CLSPN: variants seen among roughly 807,000 people sequenced by gnomAD.
The protein encoded by CLSPN is claspin homolog.
Under a neutral mutation model 156.3 loss-of-function variants are expected in CLSPN, and 85 were observed. The observed-to-expected ratio is 0.54, with a 90% CI of 0.46 to 0.65. CLSPN has a LOEUF of 0.65. CLSPN is among the 30% of genes least tolerant of loss of function. The pLI is 0.00. For synonymous variants in CLSPN, 534 were observed against 542.4 expected (o/e 0.98, Z 0.22); for missense variants, 1,407 against 1,554.9 (o/e 0.90, Z 1.60).
intron 24 of CLSPN, among the ~76,000 whole-genome samples, chr1:35,722,719 C>T (rs1641103297): frequency 6.6e-6 from 1 of 151,990 alleles, no homozygotes. Flanking sequence ...GCAACGTCCG[C>T]CTCCCAGGAT....
At chr1:35,755,201 T>C (rs1642230786) in intron 8 of CLSPN, among the ~76,000 whole-genome samples, 1 of 151,872 alleles carries the variant, frequency 6.6e-6, no homozygotes, top group African/African-American at 2.4e-5. Context: ...AGCTTAGAGG[T>C]GATCCTCTCA....
chr1:35,761,885 T>G (rs1642490549), intron 6 of CLSPN, 113 bp downstream of exon 6: 8 of 687,820 alleles, frequency 1.2e-5, no homozygotes, highest in South Asian at 1.1e-4. Context: ...AAACTTAATA[T>G]TATAACCTGA....
At chr1:35,726,008 A>G (rs2148606598) in intron 24 of CLSPN, among the ~76,000 whole-genome samples, 1 of 152,100 alleles carries the variant, frequency 6.6e-6, no homozygotes, top group East Asian at 1.9e-4. Context: ...CTCGTAAGGA[A>G]GTAGACTACA....
chr1:35,742,210 G>A (rs1172238719), intron 18 of CLSPN, among the ~76,000 whole-genome samples: 1 of 152,126 alleles, frequency 6.6e-6, no homozygotes, highest in Non-Finnish European at 1.5e-5. Context: ...GTTAAAAAGT[G>A]GCAAACTATT....
chr1:35,738,543 T>C lies in CLSPN; in HGVS notation c.3470A>G (p.Asp1157Gly). The C allele has an allele frequency of 6.2e-7, 1 of 1,613,976 alleles. No homozygotes were observed. The highest frequency in any genetic ancestry group is 1.1e-5 in the South Asian group (1 of 91,078). The change falls in exon 21 of 25, where the codon GAT (aspartate) becomes GGT (glycine). Residue 1157 changes from aspartate (D) to glycine (G), a missense_variant. Around this residue, in one of 3 missense-constraint regions of CLSPN, gnomAD observed 241 missense variants for 240.5 expected, o/e 1.00. Coordinates refer to ENST00000318121, the MANE Select transcript of CLSPN (RefSeq NM_022111.4). ...SQMDLFHRDS[D>G]DDQTEEQLDE... ...AAGCTGTTCTTCAGTCTGATCATCATCAGAGTCTCTGTGGAACAAGTCCAT... is the reference window on the plus strand; with the variant it reads ...AAGCTGTTCTTCAGTCTGATCATCACCAGAGTCTCTGTGGAACAAGTCCAT...
In CLSPN at chr1:35,753,859, C is replaced by A. The variant is rs368408539; in HGVS notation, c.1657G>T (p.Val553Leu). 2.5e-6 allele frequency: 4 copies of A among 1,614,200 alleles called. No individual in the cohort carries two copies. In the East Asian group the frequency reaches 6.7e-5, roughly 27 times the overall value. The change falls in exon 9 of 25, where the codon GTG (valine) becomes TTG (leucine). Residue 553 changes from valine (V) to leucine (L), a missense_variant. Around this residue, in one of 3 missense-constraint regions of CLSPN, gnomAD observed 1,096 missense variants for 1,193.0 expected, o/e 0.92. Transcript: ENST00000318121. ...AKPRAGQTVN[V>L]NVIVKDMGTD... ...CCCATGTCTTTCACTATGACGTTCA[C>A]ATTCACTGTCTGACCAGCCCTGGGT...
chr1:35,761,072 A>T (rs1324315204), intron 7 of CLSPN, 24 bp downstream of exon 7: 1 of 1,535,664 alleles, frequency 6.5e-7, no homozygotes, highest in Non-Finnish European at 9.0e-7. Context: ...CATGAAAATT[A>T]TAATAAGGAA....
At chr1:35,743,646 G>C in intron 16 of CLSPN, 116 bp from the exon 17 acceptor site, 1 of 714,212 alleles carries the variant, frequency 1.4e-6, no homozygotes, top group Non-Finnish European at 2.4e-6. Flanking sequence ...TTTTCTCTGA[G>C]ACAGTCTTGG....
At chr1:35,761,880 T>C in intron 6 of CLSPN, 118 bp downstream of exon 6, 3 of 671,056 alleles carry the variant, frequency 4.5e-6, no homozygotes, top group Non-Finnish European at 7.9e-6. Flanking sequence ...ATTCTAAACT[T>C]AATATTATAA....
intron 22 of CLSPN, chr1:35,737,717 A>C (rs1266837939): frequency 2.2e-6 from 1 of 448,710 alleles, no homozygotes; most frequent in Non-Finnish European, 4.0e-6. Flanking sequence ...TTAGGTATAC[A>C]ATCCTGGGCA....
chr1:35,763,542 A>G (rs1642557952), intron 3 of CLSPN, among the ~76,000 whole-genome samples: 1 of 148,286 alleles, frequency 6.7e-6, no homozygotes, highest in African/African-American at 2.6e-5. Context: ...AATAAACAGT[A>G]AATATTTTTT....
chr1:35,739,867 T>C (rs1026996202), intron 18 of CLSPN, among the ~76,000 whole-genome samples: 5 of 152,234 alleles, frequency 3.3e-5, no homozygotes, highest in Non-Finnish European at 5.9e-5. Context: ...AGTTGATCAC[T>C]TAATATGTCT....
At chr1:35,754,386 C>T (rs1642203495) in intron 8 of CLSPN, among the ~76,000 whole-genome samples, 1 of 152,016 alleles carries the variant, frequency 6.6e-6, no homozygotes, top group Admixed American at 6.6e-5. Flanking sequence ...ACTCTATTGC[C>T]CAGGCTGGAG....
chr1:35,740,952 T>C (rs1297180541), intron 18 of CLSPN, among the ~76,000 whole-genome samples: 2 of 152,194 alleles, frequency 1.3e-5, no homozygotes, highest in African/African-American at 2.4e-5. Context: ...GTTAATTTGA[T>C]AGGTGATAAA....
chr1:35,731,125 G>A (rs528063227), downstream of CLSPN, among the ~76,000 whole-genome samples: 3 of 151,830 alleles, frequency 2.0e-5, no homozygotes, highest in East Asian at 3.9e-4. Context: ...GCCTGAACCC[G>A]GGAGGCAGAG....
chr1:35,755,784 C>T (rs1642254119), intron 8 of CLSPN, among the ~76,000 whole-genome samples: 2 of 152,180 alleles, frequency 1.3e-5, no homozygotes, highest in South Asian at 4.1e-4. Flanking sequence ...TCACAGCTCA[C>T]TGCAACCTTG....
At chr1:35,743,384 G>C in intron 17 of CLSPN, 71 bp downstream of exon 17, 1 of 1,437,912 alleles carries the variant, frequency 7.0e-7, no homozygotes, top group African/African-American at 1.4e-5. Flanking sequence ...CAAGAACTGA[G>C]GGGAAAAAAA....
chr1:35,761,901 C>A, intron 6 of CLSPN, 97 bp downstream of exon 6: 1 of 763,374 alleles, frequency 1.3e-6, no homozygotes, highest in South Asian at 1.6e-5. Context: ...CCTGAGTTCA[C>A]ATTAGAAGTG....
At chr1:35,725,604 AAGGCCT>A (rs1641164184) in intron 24 of CLSPN, among the ~76,000 whole-genome samples, 1 of 150,976 alleles carries the variant, frequency 6.6e-6, no homozygotes, top group Non-Finnish European at 1.5e-5. Flanking sequence ...ACAGCCTTTC[AAGGCCT>A]GACAGTTCCT....
Sources: allele counts gnomAD v4.1 joint callset (sites outside exome capture counted in the v4.1 genomes callset), GRCh38; gene constraint gnomAD v4.1.1; regional missense constraint gnomAD v4.1.1; transcripts MANE v1.5; gene names NCBI Gene and HGNC (gene_info 2026-07-23, HGNC 2026-07-21).